The following NUDCD1 variants were observed in gnomAD, a reference collection of about 807,000 sequenced individuals.
The protein encoded by NUDCD1 is NudC domain containing 1, also known as nudC domain-containing protein 1.
In NUDCD1, 60 loss-of-function variants were observed where a neutral mutation model predicts 67.8. The observed-to-expected ratio is 0.88, with a 90% confidence interval of 0.72 to 1.10. NUDCD1 has a LOEUF of 1.10. Ranked by LOEUF, NUDCD1 falls within the 50% of genes least tolerant of loss-of-function variation. The probability of loss-of-function intolerance (pLI) is 0.00; values close to 1 mark genes in which losing one functional copy is unlikely to be tolerated. For missense variants in NUDCD1, 643 were observed against 695.0 expected, an observed-to-expected ratio of 0.93 and a Z score of 0.84; for synonymous variants, 244 against 230.8, an observed-to-expected ratio of 1.06 and a Z score of -0.52.
intron 2 of NUDCD1, among the ~76,000 whole-genome samples, chr8:109,307,170 T>C (rs528992134): frequency 5.9e-5 from 9 of 152,330 alleles, no homozygotes; most frequent in African/African-American, 1.9e-4. Flanking sequence ...CCAATGTGAT[T>C]TGTTCCTGCC....
intron 6 of NUDCD1, among the ~76,000 whole-genome samples, chr8:109,275,904 T>C (rs1256684190): frequency 6.6e-6 from 1 of 152,162 alleles, no homozygotes; most frequent in East Asian, 1.9e-4. Flanking sequence ...AATTAAAGGA[T>C]AATTCTTTGT....
chr8:109,259,645 G>A (rs762689310), intron 8 of NUDCD1, among the ~76,000 whole-genome samples: 4 of 152,160 alleles, frequency 2.6e-5, no homozygotes, highest in Non-Finnish European at 4.4e-5. Flanking sequence ...CTGGGAAGAT[G>A]GTTGACAGCT....
chr8:109,329,640 T>C (rs554551860), intron 1 of NUDCD1, among the ~76,000 whole-genome samples: 58 of 152,286 alleles, frequency 3.8e-4, no homozygotes, highest in Non-Finnish European at 6.5e-4. Flanking sequence ...ACAAGGAAAC[T>C]TTGGGAATGA....
At chr8:109,319,928 G>T (rs1242788055) in intron 2 of NUDCD1, among the ~76,000 whole-genome samples, 11 of 152,164 alleles carry the variant, frequency 7.2e-5, no homozygotes, top group African/African-American at 2.2e-4. Context: ...GACATCACAT[G>T]TCAGTAGGTT....
At chr8:109,259,587 C>T (rs1586256346) in intron 8 of NUDCD1, among the ~76,000 whole-genome samples, 3 of 152,214 alleles carry the variant, frequency 2.0e-5, no homozygotes, top group East Asian at 3.9e-4. Context: ...AATAAATGCC[C>T]TCCACTTCAC....
At chr8:109,295,798 T>A (rs567183787) in intron 3 of NUDCD1, among the ~76,000 whole-genome samples, 1 of 152,260 alleles carries the variant, frequency 6.6e-6, no homozygotes, top group South Asian at 2.1e-4. Flanking sequence ...TTGGCATCAT[T>A]TTCTTCTGTT....
chr8:109,252,220 C>T (rs760894350), intron 8 of NUDCD1, among the ~76,000 whole-genome samples: 1 of 152,100 alleles, frequency 6.6e-6, no homozygotes, highest in African/African-American at 2.4e-5. Context: ...TCTGGTTCAG[C>T]CTCAGTACTC....
At chr8:109,280,676 T>C (rs915448383) in intron 6 of NUDCD1, among the ~76,000 whole-genome samples, 1 of 152,180 alleles carries the variant, frequency 6.6e-6, no homozygotes, top group African/African-American at 2.4e-5. Flanking sequence ...ATTAAAAAGT[T>C]TGAAAAAGTG....
intron 8 of NUDCD1, among the ~76,000 whole-genome samples, chr8:109,260,530 T>C (rs1813842346): frequency 6.6e-6 from 1 of 152,124 alleles, no homozygotes; most frequent in African/African-American, 2.4e-5. Flanking sequence ...AAAAAATAGA[T>C]AATAGGTACA....
chr8:109,317,826 A>G (rs1378398157), intron 2 of NUDCD1, among the ~76,000 whole-genome samples: 1 of 152,222 alleles, frequency 6.6e-6, no homozygotes, highest in African/African-American at 2.4e-5. Flanking sequence ...ACCTTGCTTT[A>G]ACGTCTAAAA....
Position 109,333,908 on chromosome 8 carries a change from G to C in NUDCD1, c.103C>G (p.Leu35Val). 1 of 1,614,190 alleles carries C rather than the reference G, an allele frequency of 6.2e-7. No individual in the cohort carries two copies. Among genetic ancestry groups the C allele is most frequent in the Non-Finnish European group, 8.5e-7 (1 of 1,180,004 alleles). Residue 35 changes from leucine to valine, a missense_variant, in exon 1 of 10, where the codon CTG (leucine) becomes GTG (valine). Physicochemically the swap from Leu to Val is conservative, Grantham distance 32. Transcript: ENST00000239690. ...LSLEPLPCYQ[L>V]ELDAAVAEVK... Reference sequence around the variant, plus strand: ...CGCTTCCCACCTGCGTCAAGCTCCAGCTGGTAACAAGGCAGCGGCTCAAGA... The same window carrying C: ...CGCTTCCCACCTGCGTCAAGCTCCACCTGGTAACAAGGCAGCGGCTCAAGA...
chr8:109,302,015 T>C (rs1223574712), intron 2 of NUDCD1, among the ~76,000 whole-genome samples: 1 of 152,162 alleles, frequency 6.6e-6, no homozygotes, highest in East Asian at 1.9e-4. Context: ...ACTACCTCCC[T>C]TCTCCCTGTC....
chr8:109,264,100 T>C (rs527318555), intron 8 of NUDCD1, among the ~76,000 whole-genome samples: 4 of 152,354 alleles, frequency 2.6e-5, no homozygotes, highest in Admixed American at 2.6e-4. Context: ...CATACTAAAG[T>C]ACCATGGTTG....
intron 9 of NUDCD1, among the ~76,000 whole-genome samples, chr8:109,244,696 T>C (rs1312483898): frequency 6.6e-6 from 1 of 152,170 alleles, no homozygotes; most frequent in Non-Finnish European, 1.5e-5. Flanking sequence ...ATAAAAAATT[T>C]CTGTCACACA....
intron 8 of NUDCD1, among the ~76,000 whole-genome samples, chr8:109,267,391 AT>A (rs1442586665): frequency 5.3e-5 from 8 of 152,204 alleles, no homozygotes; most frequent in Non-Finnish European, 1.2e-4. Context: ...AAGTAAAAAA[AT>A]AACAGATGCT....
rs959097745 is a variant in NUDCD1, at chr8:109,270,807, T to C, written c.1299+198A>G. 1.2e-4 allele frequency among the ~76,000 whole-genome samples: 18 copies of C among 152,238 alleles called. 1 individual carries two copies. The highest frequency in any genetic ancestry group is 5.2e-4 in the Admixed American group (8 of 15,298). ...CCAGAAAAGCACCACTTGAAAGATA[T>C]CAATATACAGTGGTACCAAAACTAT... is the stretch of plus-strand genomic sequence containing the variant. On this transcript the variant is annotated intron_variant, in intron 8 of 9. Coordinates refer to ENST00000239690, the MANE Select transcript of NUDCD1 (RefSeq NM_032869.4).
intron 8 of NUDCD1, among the ~76,000 whole-genome samples, chr8:109,258,784 T>C (rs1813798291): frequency 6.6e-6 from 1 of 152,144 alleles, no homozygotes; most frequent in Non-Finnish European, 1.5e-5. Context: ...CTGTACAGAA[T>C]TTTAAGAATC....
At chr8:109,315,142 T>C (rs929232584) in intron 2 of NUDCD1, 1 of 152,124 alleles carries the variant, frequency 6.6e-6, no homozygotes, top group African/African-American at 2.4e-5. Context: ...TTTCCCTTTT[T>C]TTTGTATTAA....
chr8:109,255,839 C>T (rs1813724376), intron 8 of NUDCD1, among the ~76,000 whole-genome samples: 1 of 152,090 alleles, frequency 6.6e-6, no homozygotes, highest in Non-Finnish European at 1.5e-5. Context: ...GAGATAATAA[C>T]AAATGCAAAG....
Sources: allele counts gnomAD v4.1 joint callset (sites outside exome capture counted in the v4.1 genomes callset), GRCh38; gene constraint gnomAD v4.1.1; transcripts MANE v1.5; gene names NCBI Gene and HGNC (gene_info 2026-07-23, HGNC 2026-07-21).